Variants in FHIT observed in about 807,000 individuals in gnomAD.
FHIT encodes fragile histidine triad diadenosine triphosphatase.
Under a neutral mutation model 17.9 loss-of-function variants are expected in FHIT, and 19 were observed. That is an observed-to-expected ratio of 1.06 (90% CI 0.74 to 1.56). FHIT has a LOEUF of 1.56. FHIT is among the 40% of genes most tolerant of loss of function. The probability of loss-of-function intolerance (pLI) is 0.00; values close to 1 mark genes in which losing one functional copy is unlikely to be tolerated. For synonymous variants in FHIT, 81 were observed against 69.7 expected (o/e 1.16, Z -0.81); for missense variants, 248 against 189.2 (o/e 1.31, Z -1.82).
chr3:60,886,195 G>C (rs1434464490), intron 3 of FHIT, among the ~76,000 whole-genome samples: 1 of 152,126 alleles, frequency 6.6e-6, no homozygotes, highest in East Asian at 1.9e-4. Context: ...TTATTTGGGG[G>C]TTAATACCAT....
intron 5 of FHIT, among the ~76,000 whole-genome samples, chr3:60,368,402 CT>C (rs1700195963): frequency 6.6e-6 from 1 of 151,680 alleles, no homozygotes; most frequent in Non-Finnish European, 1.5e-5. Flanking sequence ...TATTGAACAC[CT>C]TTTAATGGAC....
chr3:60,885,885 T>C (rs782000502), intron 3 of FHIT, among the ~76,000 whole-genome samples: 31 of 152,136 alleles, frequency 2.0e-4, no homozygotes, highest in Non-Finnish European at 3.7e-4. Context: ...ATTCATATGT[T>C]TTACAGTCTT....
intron 8 of FHIT, among the ~76,000 whole-genome samples, chr3:59,852,016 C>T (rs552293927): frequency 3.3e-5 from 5 of 152,244 alleles, no homozygotes; most frequent in East Asian, 1.9e-4. Context: ...TTCACCCAGT[C>T]GGGGGATATT....
At chr3:60,676,936 G>T (rs912116947) in intron 4 of FHIT, among the ~76,000 whole-genome samples, 1 of 152,094 alleles carries the variant, frequency 6.6e-6, no homozygotes, top group Non-Finnish European at 1.5e-5. Context: ...ATGCCGTGGC[G>T]CCATCTTGGC....
chr3:60,464,520 C>G (rs2032672985), intron 5 of FHIT, among the ~76,000 whole-genome samples: 1 of 151,960 alleles, frequency 6.6e-6, no homozygotes, highest in Non-Finnish European at 1.5e-5. Context: ...ACTACCCTTC[C>G]CAGCTTCTGG....
chr3:61,002,922 G>A (rs936341942), intron 3 of FHIT, among the ~76,000 whole-genome samples: 2 of 152,030 alleles, frequency 1.3e-5, no homozygotes, highest in Non-Finnish European at 2.9e-5. Flanking sequence ...AAACTCTATG[G>A]CAGTTCCTGG....
chr3:60,333,486 TTG>T (rs1198859876), intron 5 of FHIT, among the ~76,000 whole-genome samples: 1 of 152,110 alleles, frequency 6.6e-6, no homozygotes, highest in African/African-American at 2.4e-5. Context: ...GTTTTTTTTT[TTG>T]AATTACAAAC....
chr3:60,683,801 C>T (rs1479739873), intron 4 of FHIT, among the ~76,000 whole-genome samples: 1 of 152,112 alleles, frequency 6.6e-6, no homozygotes. Context: ...ACATATAACA[C>T]ATTTTTTCCC....
At chr3:61,084,469 G>C (rs1377880597) in intron 2 of FHIT, among the ~76,000 whole-genome samples, 1 of 152,168 alleles carries the variant, frequency 6.6e-6, no homozygotes, top group African/African-American at 2.4e-5. Context: ...TCAATTTGGA[G>C]AGAATAGACC....
chr3:59,769,532 C>T lies in FHIT; in HGVS notation c.349-17211G>A, dbSNP rs9879525. On this transcript the variant is annotated intron_variant, in intron 8 of 9. Coordinates refer to ENST00000492590, the MANE Select transcript of FHIT (RefSeq NM_002012.4). ...GAATGGAGTTGCCTTTGCCTCTGCT[C>T]ACCACGTATTACATTTTTAATCAGT... Among the ~76,000 whole-genome samples the T allele has an allele frequency of 1.7e-3, 259 of 152,284 alleles. 1 individual carries two copies. The highest frequency in any genetic ancestry group is 6.0e-3 in the African/African-American group (249 of 41,554).
chr3:60,932,072 C>A (rs1365699721), intron 3 of FHIT, among the ~76,000 whole-genome samples: 1 of 152,162 alleles, frequency 6.6e-6, no homozygotes, highest in Non-Finnish European at 1.5e-5. Context: ...TCTTGATGAA[C>A]TTGTTAGACA....
intron 4 of FHIT, among the ~76,000 whole-genome samples, chr3:60,813,964 A>C (rs1701650278): frequency 6.6e-6 from 1 of 151,944 alleles, no homozygotes; most frequent in East Asian, 1.9e-4. Flanking sequence ...TTTATTTTAA[A>C]CCTATCTGTG....
intron 3 of FHIT, among the ~76,000 whole-genome samples, chr3:60,935,579 C>G (rs1050922714): frequency 5.9e-5 from 9 of 152,206 alleles, no homozygotes; most frequent in Non-Finnish European, 7.3e-5. Flanking sequence ...ACACATGAGC[C>G]TGCTCTCTTC....
intron 7 of FHIT, among the ~76,000 whole-genome samples, chr3:60,010,873 T>C (rs1575877719): frequency 6.6e-6 from 1 of 151,846 alleles, no homozygotes; most frequent in East Asian, 1.9e-4. Context: ...GGTGTGGGGG[T>C]GACGAGAAGG....
chr3:59,752,890 C>A (rs1559571905), intron 8 of FHIT, among the ~76,000 whole-genome samples: 1 of 152,078 alleles, frequency 6.6e-6, no homozygotes, highest in Non-Finnish European at 1.5e-5. Flanking sequence ...ATTACCCAGC[C>A]CCGGGTAGTT....
chr3:60,313,437 G>C (rs954787078), intron 5 of FHIT, among the ~76,000 whole-genome samples: 6 of 152,154 alleles, frequency 3.9e-5, no homozygotes, highest in Non-Finnish European at 8.8e-5. Flanking sequence ...GGCTGGCAGG[G>C]GAGGAGTGTG....
At chr3:60,114,657 C>T (rs1704872523) in intron 5 of FHIT, among the ~76,000 whole-genome samples, 1 of 151,612 alleles carries the variant, frequency 6.6e-6, no homozygotes, top group African/African-American at 2.4e-5. Context: ...CCAAGTCCAG[C>T]TAATTTTTGT....
intron 2 of FHIT, among the ~76,000 whole-genome samples, chr3:61,160,471 G>A (rs1432679646): frequency 6.6e-6 from 1 of 152,182 alleles, no homozygotes; most frequent in East Asian, 1.9e-4. Flanking sequence ...AATAATCACT[G>A]TTACTTGACA....
chr3:61,121,379 A>T (rs1209781617), intron 2 of FHIT, among the ~76,000 whole-genome samples: 3 of 152,244 alleles, frequency 2.0e-5, no homozygotes, highest in Admixed American at 6.5e-5. Flanking sequence ...AGCCCATCAG[A>T]CCAACAGCAG....
Sources: allele counts gnomAD v4.1 joint callset (sites outside exome capture counted in the v4.1 genomes callset), GRCh38; gene constraint gnomAD v4.1.1; transcripts MANE v1.5; gene names NCBI Gene and HGNC (gene_info 2026-07-23, HGNC 2026-07-21).